KCNK10: variants seen among roughly 807,000 people sequenced by gnomAD.
The protein encoded by KCNK10 is potassium channel subfamily K member 10.
A neutral mutation model predicts 47.7 loss-of-function variants in KCNK10; 25 were observed. The observed-to-expected ratio is 0.52, with a 90% CI of 0.38 to 0.73. KCNK10 has a LOEUF of 0.73. Ranked by LOEUF, KCNK10 falls within the 30% of genes least tolerant of loss-of-function variation. The pLI is 0.00. For synonymous variants in KCNK10, 303 were observed against 285.6 expected (o/e 1.06, Z -0.61); for missense variants, 563 against 714.5 (o/e 0.79, Z 2.42).
At chr14:88,225,201 C>T (rs540944892) in intron 4 of KCNK10, among the ~76,000 whole-genome samples, 1 of 152,348 alleles carries the variant, frequency 6.6e-6, no homozygotes, top group South Asian at 2.1e-4. Context: ...CAAACTGCTG[C>T]AGGATCAGTT....
intron 6 of KCNK10, among the ~76,000 whole-genome samples, chr14:88,187,069 T>C (rs1386399461): frequency 6.6e-6 from 1 of 152,232 alleles, no homozygotes; most frequent in African/African-American, 2.4e-5. Flanking sequence ...TTTCAGCAGG[T>C]CAGTTAGCTG....
chr14:88,270,808 G>A, intron 1 of KCNK10: 1 of 780,970 alleles, frequency 1.3e-6, no homozygotes. Context: ...CATGTACATG[G>A]TGTGTCACTC....
At chr14:88,323,686 G>T (rs544817882), upstream of KCNK10, 1 of 151,756 alleles carries the variant, frequency 6.6e-6, no homozygotes, top group Non-Finnish European at 1.5e-5. Context: ...AGGCGGCAGC[G>T]GCGCGCTTGC....
At chr14:88,315,161 T>C (rs1888405088) in intron 1 of KCNK10, among the ~76,000 whole-genome samples, 1 of 152,184 alleles carries the variant, frequency 6.6e-6, no homozygotes, top group African/African-American at 2.4e-5. Context: ...CCTTTCAGGT[T>C]ATTGTAAGAA....
intron 3 of KCNK10, among the ~76,000 whole-genome samples, chr14:88,229,436 A>G (rs1387383312): frequency 3.3e-5 from 5 of 152,252 alleles, no homozygotes; most frequent in Admixed American, 1.3e-4. Flanking sequence ...TGCAGGGAGA[A>G]AAAAATCAAT....
At chr14:88,273,698 A>T (rs540183075) in intron 1 of KCNK10, among the ~76,000 whole-genome samples, 1 of 152,216 alleles carries the variant, frequency 6.6e-6, no homozygotes, top group African/African-American at 2.4e-5. Flanking sequence ...GACGAGATGG[A>T]CTTCTTTATC....
chr14:88,191,960 A>G (rs975496264), intron 5 of KCNK10, among the ~76,000 whole-genome samples: 3 of 152,206 alleles, frequency 2.0e-5, no homozygotes, highest in Admixed American at 2.0e-4. Flanking sequence ...AATTCACTTT[A>G]GTCTTGCATA....
At position 88,186,034 on chromosome 14, in the gene KCNK10, C is replaced by A. The variant is rs145338578; in HGVS notation, c.1133G>T (p.Arg378Leu). The change falls in exon 7 of 7, where the codon CGC becomes CTC. Residue 378 changes from arginine (R) to leucine (L), a missense_variant. Transcript: ENST00000319231. The surrounding 1 kb of genome is among the most constrained non-coding windows in gnomAD (Gnocchi z 5.5). ...HDKLQRAATI[R>L]SMERRRLGLD... ...GCCCAGCCGCCGGCGCTCCATGCTG[C>A]GGATGGTGGCCGCCCGCTGCAGCTT... 1.2e-6 allele frequency: 2 copies of A among 1,613,386 alleles called. No individual in the cohort carries two copies. Among genetic ancestry groups the A allele is most frequent in the African/African-American group, 1.3e-5 (1 of 74,926 alleles).
intron 2 of KCNK10, among the ~76,000 whole-genome samples, chr14:88,259,272 G>A (rs1418502435): frequency 2.0e-5 from 3 of 152,200 alleles, no homozygotes; most frequent in African/African-American, 7.2e-5. Flanking sequence ...TTGGTGCAAT[G>A]ATTTGACACA....
At chr14:88,318,040 A>C (rs527354032) in intron 1 of KCNK10, among the ~76,000 whole-genome samples, 4 of 152,224 alleles carry the variant, frequency 2.6e-5, no homozygotes, top group Non-Finnish European at 5.9e-5. Context: ...ACTTCTATTC[A>C]GCCTTCTTAC....
At chr14:88,222,887 T>C (rs1381966266) in intron 4 of KCNK10, among the ~76,000 whole-genome samples, 2 of 152,176 alleles carry the variant, frequency 1.3e-5, no homozygotes, top group Non-Finnish European at 2.9e-5. Flanking sequence ...TGGATACACC[T>C]GACATTGTGG....
At chr14:88,268,486 A>C (rs1290491) in intron 1 of KCNK10, among the ~76,000 whole-genome samples, 94,083 of 152,160 alleles carry the variant, frequency 0.62, 29,853 homozygotes, top group East Asian at 0.93. Flanking sequence ...GGCCCAAAAG[A>C]GAGAAGCCAG....
At chr14:88,235,809 TG>T (rs1328306425) in intron 3 of KCNK10, among the ~76,000 whole-genome samples, 1 of 151,900 alleles carries the variant, frequency 6.6e-6, no homozygotes, top group Non-Finnish European at 1.5e-5. Context: ...GCAAAGAAAA[TG>T]TTTAAAGATG....
intron 1 of KCNK10, among the ~76,000 whole-genome samples, chr14:88,309,373 A>G (rs1446249927): frequency 6.6e-6 from 1 of 152,152 alleles, no homozygotes; most frequent in Admixed American, 6.5e-5. Flanking sequence ...AAGCCGAGGT[A>G]GGCGGATTGC....
At chr14:88,229,828 A>C (rs1216334715) in intron 3 of KCNK10, among the ~76,000 whole-genome samples, 1 of 152,162 alleles carries the variant, frequency 6.6e-6, no homozygotes, top group Non-Finnish European at 1.5e-5. Context: ...AGGCAATGGG[A>C]AGACCACATT....
intron 2 of KCNK10, among the ~76,000 whole-genome samples, chr14:88,255,204 G>T (rs1260665370): frequency 6.6e-6 from 1 of 152,102 alleles, no homozygotes; most frequent in Non-Finnish European, 1.5e-5. Context: ...TTATGAAGAG[G>T]TCTACATATT....
At chr14:88,218,705 T>A (rs970376310) in intron 4 of KCNK10, among the ~76,000 whole-genome samples, 10 of 152,040 alleles carry the variant, frequency 6.6e-5, no homozygotes, top group Non-Finnish European at 4.4e-5. Flanking sequence ...TGAGAATCAG[T>A]CCAGAATTTG....
rs531764184 is a variant in KCNK10, at chr14:88,239,218, A to C, written c.520+1485T>G. ...CCTTAAATTTGTTTAAAAAAAAAAA[A>C]CTCAACATCTTCAAAGCACAATAAA... On this transcript the variant is annotated intron_variant, in intron 3 of 6. Coordinates refer to ENST00000319231, the MANE Select transcript of KCNK10 (RefSeq NM_138317.3). Among the ~76,000 whole-genome samples, 6 of 150,772 alleles carry C rather than the reference A, an allele frequency of 4.0e-5. No homozygotes were observed. The South Asian group carries it at 8.4e-4, about 21-fold the overall frequency.
chr14:88,257,471 C>A (rs1886989633), intron 2 of KCNK10, among the ~76,000 whole-genome samples: 1 of 152,256 alleles, frequency 6.6e-6, no homozygotes, highest in Admixed American at 6.5e-5. Context: ...TTAGCATTTT[C>A]CCATGGGCCA....
Sources: allele counts gnomAD v4.1 joint callset (sites outside exome capture counted in the v4.1 genomes callset), GRCh38; gene constraint gnomAD v4.1.1; non-coding constraint Gnocchi (gnomAD v3.1); transcripts MANE v1.5; gene names NCBI Gene and HGNC (gene_info 2026-07-23, HGNC 2026-07-21).